Variants in PLPP5 observed in about 807,000 individuals in gnomAD.
The protein encoded by PLPP5 is diacylglycerol pyrophosphate like 1.
A neutral mutation model predicts 23.6 loss-of-function variants in PLPP5; 29 were observed. The observed-to-expected ratio is 1.23, with a 90% CI of 0.92 to 1.68. PLPP5 has a LOEUF of 1.68. Ranked by LOEUF, PLPP5 falls within the 40% of genes most tolerant of loss-of-function variation. The pLI is 0.00. For synonymous variants in PLPP5, 143 were observed against 131.3 expected (o/e 1.09, Z -0.61); for missense variants, 315 against 332.1 (o/e 0.95, Z 0.40).
rs1807588982 is a variant in PLPP5 at position 38,266,370 on chromosome 8, C to T, written c.464-59G>A. 14 of 1,442,914 alleles carry T rather than the reference C, an allele frequency of 9.7e-6. No homozygotes were observed. In the Admixed American group the frequency reaches 1.2e-4, roughly 12 times the overall value. The allele number at this position is 1,442,914 out of a possible 1,614,324, so 89.4% of individuals were successfully genotyped here. ...TTTAAAGGAAGCTACCTCATTCATCCCCACATAGGAGGCTAGGAAGCATGA... is the reference window on the plus strand; with the variant it reads ...TTTAAAGGAAGCTACCTCATTCATCTCCACATAGGAGGCTAGGAAGCATGA... On this transcript the variant is annotated intron_variant, in intron 5 of 6. Transcript: ENST00000424479.
chr8:38,265,123 G>A (rs556102640), intron 6 of PLPP5: 84 of 566,312 alleles, frequency 1.5e-4, no homozygotes, highest in African/African-American at 5.7e-4. Flanking sequence ...AAAATTAGCC[G>A]GGCGTGGTGG....
rs1018362955 is a variant in PLPP5, at chr8:38,263,883, T to C, written c.*561A>G. 9 of 984,702 alleles carry C rather than the reference T, an allele frequency of 9.1e-6. No individual in the cohort carries two copies. Among genetic ancestry groups the C allele is most frequent in the Non-Finnish European group, 1.1e-5 (9 of 829,368 alleles). The allele number at this position is 984,702 out of a possible 1,614,324, so 61.0% of individuals were successfully genotyped here. On this transcript the variant is annotated 3_prime_UTR_variant, in exon 7 of 7. Coordinates refer to ENST00000424479, the MANE Select transcript of PLPP5 (RefSeq NM_001102559.2). Reference sequence around the variant, plus strand: ...TAAAAACACTGTAGATCTTCAGATATTAATCTGATAGACCAGATTCATAAG... The same window carrying C: ...TAAAAACACTGTAGATCTTCAGATACTAATCTGATAGACCAGATTCATAAG...
At position 38,269,149 on chromosome 8, in the gene PLPP5, C is replaced by T. The variant is rs1481257408; in HGVS notation, c.51G>A (p.Arg17=). The change falls in exon 1 of 7, where the codon CGG becomes CGA. Residue 17 remains arginine, a synonymous_variant. Transcript: ENST00000424479. Reference sequence around the variant, plus strand: ...ACAGGAAGGCCGCGAACAGCGCGAGCCGCACGCCCACTTCGGCCCCAAAGG... The same window carrying T: ...ACAGGAAGGCCGCGAACAGCGCGAGTCGCACGCCCACTTCGGCCCCAAAGG... ...AVAFGAEVGV[R]LALFAAFLVT... 6.6e-7 allele frequency: 1 copy of T among 1,516,286 alleles called. No homozygotes were observed. The highest frequency in any genetic ancestry group is 8.8e-7 in the Non-Finnish European group (1 of 1,139,308). 93.9% of individuals were successfully genotyped at this position (1,516,286 alleles called of 1,614,324 possible). A position where few individuals can be genotyped will look rare whatever the true frequency, so the allele number is the denominator to read the frequency against.
chr8:38,268,493 C>G (rs1254256158), intron 2 of PLPP5, 32 bp from the exon 3 acceptor site: 1 of 1,549,464 alleles, frequency 6.5e-7, no homozygotes, highest in East Asian at 2.4e-5. Flanking sequence ...TAAAAACAAT[C>G]CAAAAAAAAG....
chr8:38,268,311 C>G (rs1481400581), intron 3 of PLPP5, 60 bp downstream of exon 3: 7 of 1,449,596 alleles, frequency 4.8e-6, no homozygotes, highest in Non-Finnish European at 6.6e-6. Flanking sequence ...TGGCTGAATC[C>G]CACAACGACC....
intron 3 of PLPP5, 184 bp downstream of exon 3, chr8:38,268,187 G>T: frequency 1.7e-6 from 2 of 1,154,620 alleles, no homozygotes; most frequent in Non-Finnish European, 2.4e-6. Context: ...TAGGCACAGG[G>T]CTGCCTGCCG....
chr8:38,268,949 G>C lies in PLPP5; in HGVS notation c.116C>G (p.Pro39Arg). Residue 39 changes from proline (P) to arginine (R), a missense_variant, in exon 2 of 7, where the codon CCG (proline) becomes CGG (arginine). Pro to Arg is a moderately radical substitution (Grantham distance 103). Coordinates refer to ENST00000424479, the MANE Select transcript of PLPP5 (RefSeq NM_001102559.2). ...GTTCCGGTAGAGCCACATCTCCTCC[G>C]GCTGGATGAGTCTCTGGAACGGGGG... ...LLPPFQRLIQ[P>R]EEMWLYRNPY... The C allele has an allele frequency of 6.4e-7, 1 of 1,565,904 alleles. No individual in the cohort carries two copies. The highest frequency in any genetic ancestry group is 8.6e-7 in the Non-Finnish European group (1 of 1,161,860).
chr8:38,268,638 C>G, intron 2 of PLPP5, 177 bp from the exon 3 acceptor site: 1 of 1,437,218 alleles, frequency 7.0e-7, no homozygotes, highest in Admixed American at 2.8e-5. Context: ...GCGGCTCGGG[C>G]CCCGGTACCT....
Position 38,267,292 on chromosome 8 carries a change from C to T in PLPP5, c.438G>A (p.Lys146=). The part of the protein sequence containing the change: ...GDKDVVNEGR[K]SFPSGHSSFA... ...AGGAAGAATGTCCACTGGGGAAGCT[C>T]TTTCGGCCCTCATTCACCACGTCCT... The change falls in exon 5 of 7, where the codon AAG becomes AAA. Residue 146 remains lysine, a synonymous_variant. Coordinates refer to ENST00000424479, the MANE Select transcript of PLPP5 (RefSeq NM_001102559.2). 6.2e-7 allele frequency: 1 copy of T among 1,614,010 alleles called. No homozygotes were observed. Among genetic ancestry groups the T allele is most frequent in the Non-Finnish European group, 8.5e-7 (1 of 1,179,898 alleles).
In PLPP5 at chr8:38,264,113, G is replaced by A; in HGVS notation, c.*331C>T. 1 of 1,004,648 alleles carries A rather than the reference G, an allele frequency of 1.0e-6. No homozygotes were observed. Among genetic ancestry groups the A allele is most frequent in the Non-Finnish European group, 1.2e-6 (1 of 842,680 alleles). The allele number at this position is 1,004,648 out of a possible 1,614,324, so 62.2% of individuals were successfully genotyped here. A position where few individuals can be genotyped will look rare whatever the true frequency, so the allele number is the denominator to read the frequency against. On this transcript the variant is annotated 3_prime_UTR_variant, in exon 7 of 7. Coordinates refer to ENST00000424479, the MANE Select transcript of PLPP5 (RefSeq NM_001102559.2). Reference sequence around the variant, plus strand: ...CTTGTCTTGTGCATGGTCCGGTTAGGAGGGCTAGTTCACCTGTTCTCTATT... The same window carrying A: ...CTTGTCTTGTGCATGGTCCGGTTAGAAGGGCTAGTTCACCTGTTCTCTATT...
intron 4 of PLPP5, chr8:38,267,627 G>T: frequency 1.6e-6 from 1 of 620,528 alleles, no homozygotes; most frequent in Non-Finnish European, 2.8e-6. Context: ...AACAGCAAAT[G>T]ACACTGCAGC....
In PLPP5 at chr8:38,263,720, C is replaced by G; in HGVS notation, c.*724G>C. 2 of 985,090 alleles carry G rather than the reference C, an allele frequency of 2.0e-6. No individual in the cohort carries two copies. Among genetic ancestry groups the G allele is most frequent in the Non-Finnish European group, 2.4e-6 (2 of 829,724 alleles). 61.0% of individuals were successfully genotyped at this position (985,090 alleles called of 1,614,324 possible). Reference sequence around the variant, plus strand: ...AATCAAAGTAATTTAGTTGGCCATGCCCTAGATTTTAAGATTTTGAGCTAT... The same window carrying G: ...AATCAAAGTAATTTAGTTGGCCATGGCCTAGATTTTAAGATTTTGAGCTAT... On this transcript the variant is annotated 3_prime_UTR_variant, in exon 7 of 7. Coordinates refer to ENST00000424479, the MANE Select transcript of PLPP5 (RefSeq NM_001102559.2).
intron 5 of PLPP5, chr8:38,266,987 T>G: frequency 7.8e-7 from 1 of 1,284,510 alleles, no homozygotes; most frequent in South Asian, 1.9e-5. Context: ...AACTCTTCGT[T>G]AAAGGTATTT....
intron 2 of PLPP5, 177 bp from the exon 3 acceptor site, chr8:38,268,638 C>T: frequency 1.4e-6 from 2 of 1,437,218 alleles, no homozygotes; most frequent in Non-Finnish European, 1.8e-6. Context: ...GCGGCTCGGG[C>T]CCCGGTACCT....
Position 38,264,343 on chromosome 8 carries a change from G to C in PLPP5, c.*101C>G. Reference sequence around the variant, plus strand: ...TTTTAGTAGAGACAGGGTTCACCATGTTGGCCAGGCTGGTCCTGACCTCAG... The same window carrying C: ...TTTTAGTAGAGACAGGGTTCACCATCTTGGCCAGGCTGGTCCTGACCTCAG... On this transcript the variant is annotated 3_prime_UTR_variant, in exon 7 of 7. Coordinates refer to ENST00000424479, the MANE Select transcript of PLPP5 (RefSeq NM_001102559.2). 1.0e-6 allele frequency: 1 copy of C among 956,604 alleles called. No individual in the cohort carries two copies. The highest frequency in any genetic ancestry group is 1.5e-6 in the Non-Finnish European group (1 of 686,654). The allele number at this position is 956,604 out of a possible 1,614,324, so 59.3% of individuals were successfully genotyped here.
chr8:38,264,715 A>G, intron 6 of PLPP5, 111 bp from the exon 7 acceptor site: 5 of 1,436,560 alleles, frequency 3.5e-6, no homozygotes, highest in Non-Finnish European at 4.6e-6. Context: ...TGGGGCTAAA[A>G]TAACCTCAAT....
chr8:38,268,523 G>C, intron 2 of PLPP5, 62 bp from the exon 3 acceptor site: 1 of 1,540,318 alleles, frequency 6.5e-7, no homozygotes, highest in East Asian at 2.4e-5. Flanking sequence ...TGCTCCTACA[G>C]GAAAGAGGGA....
chr8:38,267,268 G>C lies in PLPP5; in HGVS notation c.462C>G (p.Ser154=). Reference sequence around the variant, plus strand: ...GTAGAGTCCATATGATATTCATACAGGAAGAATGTCCACTGGGGAAGCTCT... The same window carrying C: ...GTAGAGTCCATATGATATTCATACACGAAGAATGTCCACTGGGGAAGCTCT... ...GRKSFPSGHS[S]FAFAGLAFAS... Residue 154 remains serine (S), a splice_region_variant and synonymous_variant, in exon 5 of 7, where the codon TCC becomes TCG. Coordinates refer to ENST00000424479, the MANE Select transcript of PLPP5 (RefSeq NM_001102559.2). 1 of 1,613,976 alleles carries C rather than the reference G, an allele frequency of 6.2e-7. No homozygotes were observed. Among genetic ancestry groups the C allele is most frequent in the African/African-American group, 1.3e-5 (1 of 75,034 alleles).
intron 5 of PLPP5, among the ~76,000 whole-genome samples, chr8:38,266,803 T>C (rs1416360675): frequency 1.3e-5 from 2 of 152,232 alleles, no homozygotes; most frequent in Non-Finnish European, 2.9e-5. Context: ...CCAAAGTTAA[T>C]GTTTTATCTG....
Sources: allele counts gnomAD v4.1 joint callset (sites outside exome capture counted in the v4.1 genomes callset), GRCh38; gene constraint gnomAD v4.1.1; transcripts MANE v1.5; gene names NCBI Gene and HGNC (gene_info 2026-07-23, HGNC 2026-07-21).